The following TBC1D4 variants were observed in gnomAD, a reference collection of about 807,000 sequenced individuals.
TBC1D4 encodes TBC (Tre-2, BUB2, CDC16) domain-containing protein.
A neutral mutation model predicts 142.5 loss-of-function variants in TBC1D4; 121 were observed. That is an observed-to-expected ratio of 0.85 (90% confidence interval 0.73 to 0.99). TBC1D4 has a LOEUF of 0.99. TBC1D4 is among the 50% of genes least tolerant of loss of function. The pLI is 0.00. For missense variants in TBC1D4, 1,475 were observed against 1,606.6 expected (o/e 0.92, Z 1.40); for synonymous variants, 630 against 628.2 (o/e 1.00, Z -0.04).
At chr13:75,395,579 C>A (rs1301638116) in intron 1 of TBC1D4, among the ~76,000 whole-genome samples, 1 of 152,014 alleles carries the variant, frequency 6.6e-6, no homozygotes, top group East Asian at 1.9e-4. Flanking sequence ...GCCTGTAATC[C>A]CAGCACGTTG....
chr13:75,323,222 G>A (rs1878931644), intron 11 of TBC1D4, among the ~76,000 whole-genome samples: 1 of 152,046 alleles, frequency 6.6e-6, no homozygotes, highest in African/African-American at 2.4e-5. Flanking sequence ...TTCCTCTCCT[G>A]ACTACAAGAA....
intron 5 of TBC1D4, among the ~76,000 whole-genome samples, chr13:75,348,953 G>A (rs1278700765): frequency 1.7e-5 from 2 of 118,522 alleles, no homozygotes; most frequent in African/African-American, 3.4e-5. Context: ...GAGAGAGAGA[G>A]AGTGTGTGTG....
chr13:75,420,168 G>A (rs935122517), intron 1 of TBC1D4, among the ~76,000 whole-genome samples: 1 of 152,198 alleles, frequency 6.6e-6, no homozygotes, highest in Non-Finnish European at 1.5e-5. Context: ...TAAGAAGTTA[G>A]ATGCTGCCAT....
chr13:75,469,703 A>G (rs574928249), intron 1 of TBC1D4, among the ~76,000 whole-genome samples: 1 of 152,234 alleles, frequency 6.6e-6, no homozygotes. Context: ...TGAGCCCAGA[A>G]AGTCAAGGCT....
intron 1 of TBC1D4, among the ~76,000 whole-genome samples, chr13:75,397,332 C>T (rs565665225): frequency 5.1e-4 from 78 of 152,102 alleles, no homozygotes; most frequent in East Asian, 2.5e-3. Context: ...GAACACATCA[C>T]GATGTGATGA....
chr13:75,399,723 G>A (rs755882842), intron 1 of TBC1D4, among the ~76,000 whole-genome samples: 1 of 152,218 alleles, frequency 6.6e-6, no homozygotes, highest in South Asian at 2.1e-4. Flanking sequence ...TAAATTCTTT[G>A]ATGGGAGCTA....
At chr13:75,342,504 T>C (rs1880797172) in intron 5 of TBC1D4, among the ~76,000 whole-genome samples, 1 of 152,202 alleles carries the variant, frequency 6.6e-6, no homozygotes, top group African/African-American at 2.4e-5. Context: ...AGCATTAGTA[T>C]TTAGTGAACT....
chr13:75,342,223 CA>C (rs1273114502), intron 5 of TBC1D4, among the ~76,000 whole-genome samples: 1 of 151,994 alleles, frequency 6.6e-6, no homozygotes, highest in African/African-American at 2.4e-5. Flanking sequence ...AAATTACTAA[CA>C]ATGAATTTCT....
intron 1 of TBC1D4, among the ~76,000 whole-genome samples, chr13:75,399,067 C>T (rs554190223): frequency 2.1e-3 from 326 of 152,242 alleles, no homozygotes; most frequent in African/African-American, 7.3e-3. Context: ...ATTAGGCGGG[C>T]GCGGTGGCTC....
intron 1 of TBC1D4, among the ~76,000 whole-genome samples, chr13:75,384,309 G>A (rs1884045866): frequency 6.6e-6 from 1 of 152,024 alleles, no homozygotes; most frequent in Admixed American, 6.6e-5. Context: ...GCTGGTGGGT[G>A]TCTGTAGTCC....
At chr13:75,290,572 T>A (rs1395131966) in intron 19 of TBC1D4, among the ~76,000 whole-genome samples, 1 of 152,082 alleles carries the variant, frequency 6.6e-6, no homozygotes, top group African/African-American at 2.4e-5. Context: ...TATAAACAAG[T>A]GAATATATAA....
intron 10 of TBC1D4, among the ~76,000 whole-genome samples, chr13:75,324,626 G>A (rs1459387688): frequency 6.6e-6 from 1 of 151,966 alleles, no homozygotes; most frequent in Non-Finnish European, 1.5e-5. Flanking sequence ...TATCTATACA[G>A]TATGTCTAAG....
intron 1 of TBC1D4, among the ~76,000 whole-genome samples, chr13:75,409,778 A>G (rs1052467355): frequency 6.6e-6 from 1 of 152,232 alleles, no homozygotes; most frequent in African/African-American, 2.4e-5. Context: ...TTAGACATGT[A>G]TGTAATTTCA....
At chr13:75,475,933 T>C (rs1950368343) in intron 1 of TBC1D4, among the ~76,000 whole-genome samples, 1 of 152,130 alleles carries the variant, frequency 6.6e-6, no homozygotes, top group Non-Finnish European at 1.5e-5. Context: ...GAGACCCAAG[T>C]CTAAGTATAA....
intron 14 of TBC1D4, 32 bp from the exon 15 acceptor site, chr13:75,306,503 T>C (rs747665369): frequency 5.4e-5 from 87 of 1,610,910 alleles, no homozygotes; most frequent in Non-Finnish European, 7.2e-5. Context: ...GTAAGACCAA[T>C]GTGTTTTTCA....
At chr13:75,333,428 G>C (rs78413776) in intron 8 of TBC1D4, among the ~76,000 whole-genome samples, 136 of 152,282 alleles carry the variant, frequency 8.9e-4, no homozygotes, top group African/African-American at 3.2e-3. Context: ...GGTGGGCTTT[G>C]TGAGGCATGT....
intron 11 of TBC1D4, among the ~76,000 whole-genome samples, chr13:75,322,049 C>A (rs1354939255): frequency 1.3e-5 from 2 of 152,178 alleles, no homozygotes; most frequent in Admixed American, 6.5e-5. Flanking sequence ...GGAGAAGTTG[C>A]AGGCATGCTG....
At chr13:75,324,617 A>T (rs1333321176) in intron 10 of TBC1D4, among the ~76,000 whole-genome samples, 2 of 152,164 alleles carry the variant, frequency 1.3e-5, no homozygotes, top group African/African-American at 2.4e-5. Context: ...TGAATTCCTT[A>T]TCTATACAGT....
At chr13:75,438,342 T>G (rs1353216712) in intron 1 of TBC1D4, among the ~76,000 whole-genome samples, 1 of 152,230 alleles carries the variant, frequency 6.6e-6, no homozygotes, top group Admixed American at 6.5e-5. Flanking sequence ...AACATTTCAT[T>G]AACTATGCCT....
Sources: allele counts gnomAD v4.1 joint callset (sites outside exome capture counted in the v4.1 genomes callset), GRCh38; gene constraint gnomAD v4.1.1; transcripts MANE v1.5; gene names NCBI Gene and HGNC (gene_info 2026-07-23, HGNC 2026-07-21).